ABCA12: variants seen among roughly 807,000 people sequenced by gnomAD.
The protein encoded by ABCA12 is ATP binding cassette subfamily A member 12.
A neutral mutation model predicts 293.5 loss-of-function variants in ABCA12; 156 were observed. The observed-to-expected ratio is 0.53, with a 90% confidence interval of 0.47 to 0.61. The LOEUF is 0.61. ABCA12 is among the 20% of genes least tolerant of loss of function. The pLI is 0.00. For missense variants in ABCA12, 2,797 were observed against 3,090.2 expected (o/e 0.91, Z 2.25); for synonymous variants, 1,063 against 1,108.0 (o/e 0.96, Z 0.81).
chr2:214,949,579 A>G (rs1236560402), intron 45 of ABCA12, among the ~76,000 whole-genome samples: 2 of 152,130 alleles, frequency 1.3e-5, no homozygotes, highest in African/African-American at 4.8e-5. Context: ...CGTACTGTCA[A>G]ATTTGATGCG....
At chr2:215,030,776 C>T (rs942324900) in intron 9 of ABCA12, among the ~76,000 whole-genome samples, 2 of 152,154 alleles carry the variant, frequency 1.3e-5, no homozygotes, top group Non-Finnish European at 2.9e-5. Flanking sequence ...TGGCCAGAAT[C>T]TACTCAGAGG....
intron 48 of ABCA12, among the ~76,000 whole-genome samples, chr2:214,946,001 CTAGTGGTCTA>C (rs1275481046): frequency 5.9e-5 from 9 of 151,900 alleles, no homozygotes; most frequent in African/African-American, 2.2e-4. Context: ...AGCATAAGTT[CTAGTGGTCTA>C]TAGGGTGACT....
At chr2:215,119,734 T>TAAAA (rs386654995) in intron 1 of ABCA12, among the ~76,000 whole-genome samples, 924 of 75,578 alleles carry the variant, frequency 0.012, 13 homozygotes, top group African/African-American at 0.033. Flanking sequence ...CATTAAAAAG[T>TAAAA]AAAAAAAAAA....
intron 39 of ABCA12, chr2:214,962,420 A>G (rs1044050259): frequency 3.9e-4 from 60 of 152,278 alleles, no homozygotes; most frequent in African/African-American, 1.2e-3. Flanking sequence ...GGGATCATCA[A>G]TATTTCATAT....
At chr2:215,027,219 G>A (rs557858508) in intron 9 of ABCA12, among the ~76,000 whole-genome samples, 1 of 152,114 alleles carries the variant, frequency 6.6e-6, no homozygotes, top group African/African-American at 2.4e-5. Flanking sequence ...GGTGGCGGGC[G>A]CCTGTAGTCC....
chr2:215,028,282 T>G (rs1700794264), intron 9 of ABCA12, among the ~76,000 whole-genome samples: 1 of 152,188 alleles, frequency 6.6e-6, no homozygotes, highest in Non-Finnish European at 1.5e-5. Flanking sequence ...AAATGTGGGT[T>G]AACAACACTG....
At chr2:214,986,113 A>C (rs1454352239) in intron 28 of ABCA12, among the ~76,000 whole-genome samples, 2 of 152,328 alleles carry the variant, frequency 1.3e-5, no homozygotes, top group East Asian at 3.9e-4. Context: ...TATATATGCC[A>C]GGTTAGAAAT....
At position 214,932,134 on chromosome 2, in the gene ABCA12, G is replaced by A. The variant is rs1698077263; in HGVS notation, c.*500C>T. The A allele has an allele frequency of 1.6e-5, 3 of 183,356 alleles. No homozygotes were observed. Among genetic ancestry groups the A allele is most frequent in the African/African-American group, 2.4e-5 (1 of 41,666 alleles). 11.4% of individuals were successfully genotyped at this position (183,356 alleles called of 1,614,324 possible). On this transcript the variant is annotated 3_prime_UTR_variant, in exon 53 of 53. Coordinates refer to ENST00000272895, the MANE Select transcript of ABCA12 (RefSeq NM_173076.3). ...ACATTGTGCCCACTGCTCTGCAAAC[G>A]TTCATTTGGCCCTTAGCAGTTCACA... is the stretch of plus-strand genomic sequence containing the variant.
At chr2:215,036,415 G>A (rs16853200) in intron 8 of ABCA12, among the ~76,000 whole-genome samples, 38,769 of 151,974 alleles carry the variant, frequency 0.26, 5,891 homozygotes, top group South Asian at 0.48. Flanking sequence ...ACCAAACTTG[G>A]CAAGTAGGGA....
chr2:215,130,131 G>T (rs1703021324), intron 1 of ABCA12, among the ~76,000 whole-genome samples: 1 of 152,034 alleles, frequency 6.6e-6, no homozygotes, highest in Non-Finnish European at 1.5e-5. Context: ...CCATAGCCTT[G>T]TAGTATAATT....
At chr2:215,089,402 T>C (rs1021370183) in intron 2 of ABCA12, among the ~76,000 whole-genome samples, 2 of 152,174 alleles carry the variant, frequency 1.3e-5, no homozygotes, top group Non-Finnish European at 2.9e-5. Context: ...GATATAATAA[T>C]AAAACAAGAG....
intron 51 of ABCA12, among the ~76,000 whole-genome samples, chr2:214,936,091 A>C (rs1021789519): frequency 6.6e-6 from 1 of 152,124 alleles, no homozygotes; most frequent in African/African-American, 2.4e-5. Context: ...GTTACCTGTG[A>C]TCAACCAAGT....
At chr2:215,019,985 G>T (rs569707813) in intron 11 of ABCA12, among the ~76,000 whole-genome samples, 189 bp from the exon 12 acceptor site, 1 of 152,022 alleles carries the variant, frequency 6.6e-6, no homozygotes. Context: ...TATTGTTCTC[G>T]TAAGAACCTG....
Position 214,980,536 on chromosome 2 carries a change from A to G in ABCA12, c.4687T>C (p.Tyr1563His). The change falls in exon 31 of 53, where the codon TAC becomes CAC. Residue 1563 changes from tyrosine to histidine, a missense_variant. Tyr to His is a moderately conservative substitution (Grantham distance 83). Transcript: ENST00000272895. Reference sequence around the variant, plus strand: ...CCATCGCCAAAGGCTTCCTTGAGGTAAAATGGGGACCCACAGCACCTAAGC... The same window carrying G: ...CCATCGCCAAAGGCTTCCTTGAGGTGAAATGGGGACCCACAGCACCTAAGC... ...GGLRCCGSPFYLKEAFGDGYH... is the reference protein window; with the variant it reads ...GGLRCCGSPFHLKEAFGDGYH... The G allele has an allele frequency of 6.2e-7, 1 of 1,614,030 alleles. No individual in the cohort carries two copies.
chr2:215,081,502 A>G (rs1342238948), intron 2 of ABCA12, among the ~76,000 whole-genome samples: 11 of 142,042 alleles, frequency 7.7e-5, no homozygotes, highest in African/African-American at 2.8e-4. Flanking sequence ...AGAAAAAGAA[A>G]AAAGAAAAAG....
In ABCA12 at chr2:215,138,193, G is replaced by C. The variant is rs1368278327; in HGVS notation, c.16C>G (p.His6Asp). MASLF[H>D]QLQILVWKNW... ...TTCCAGACCAGGATCTGAAGCTGAT[G>C]AAACAGGGAAGCCATCCTTCAAATG... The change falls in exon 1 of 53, where the codon CAT (histidine) becomes GAT (aspartate). Residue 6 changes from histidine to aspartate, a missense_variant. Around this residue, in one of 3 missense-constraint regions of ABCA12, gnomAD observed 11 missense variants for 25.0 expected, o/e 0.44. Coordinates refer to ENST00000272895, the MANE Select transcript of ABCA12 (RefSeq NM_173076.3). 3 of 1,614,052 alleles carry C rather than the reference G, an allele frequency of 1.9e-6. No homozygotes were observed. The highest frequency in any genetic ancestry group is 2.5e-6 in the Non-Finnish European group (3 of 1,180,006).
chr2:214,975,221 C>CTT (rs1281437296), intron 34 of ABCA12, among the ~76,000 whole-genome samples: 2 of 152,162 alleles, frequency 1.3e-5, no homozygotes, highest in Non-Finnish European at 2.9e-5. Context: ...ACCTTGGCCT[C>CTT]CCAAGGTTCT....
At position 215,039,321 on chromosome 2, in the gene ABCA12, C is replaced by A. The variant is rs773506037; in HGVS notation, c.873-2256G>T. Among the ~76,000 whole-genome samples, 139 of 152,070 alleles carry A rather than the reference C, an allele frequency of 9.1e-4. 1 individual carries two copies. Among genetic ancestry groups the A allele is most frequent in the Non-Finnish European group, 3.4e-4 (23 of 68,026 alleles). On this transcript the variant is annotated intron_variant, in intron 7 of 52. Transcript: ENST00000272895. ...CAAAGATTAAGATAAACCAATGAGA[C>A]CATAATGTTGTGATAAAATACAGTC...
At chr2:215,006,845 C>T (rs950945243) in intron 19 of ABCA12, among the ~76,000 whole-genome samples, 3 of 143,174 alleles carry the variant, frequency 2.1e-5, no homozygotes, top group African/African-American at 7.7e-5. Context: ...ACATTATTTG[C>T]ATCATCTTCA....
Sources: allele counts gnomAD v4.1 joint callset (sites outside exome capture counted in the v4.1 genomes callset), GRCh38; gene constraint gnomAD v4.1.1; regional missense constraint gnomAD v4.1.1; transcripts MANE v1.5; gene names NCBI Gene and HGNC (gene_info 2026-07-23, HGNC 2026-07-21).